SAMMSON: variants seen among roughly 807,000 people sequenced by gnomAD.
The protein encoded by SAMMSON is long intergenic non-protein coding RNA 1212.
At chr3:70,434,572 T>A (rs1464001702) in intron 2 of SAMMSON, among the ~76,000 whole-genome samples, 1 of 151,856 alleles carries the variant, frequency 6.6e-6, no homozygotes, top group African/African-American at 2.4e-5. Flanking sequence ...ATAAAGACAT[T>A]TTTTTTTCCT....
chr3:70,342,692 A>G (rs1368882362), intron 7 of SAMMSON, among the ~76,000 whole-genome samples: 2 of 152,206 alleles, frequency 1.3e-5, no homozygotes, highest in Admixed American at 1.3e-4. Flanking sequence ...CAGAAACATC[A>G]TCTTTTGACA....
chr3:70,095,776 T>G (rs1322552296), intron 4 of SAMMSON, among the ~76,000 whole-genome samples: 4 of 152,192 alleles, frequency 2.6e-5, no homozygotes, highest in Non-Finnish European at 1.5e-5. Context: ...AAGTGTTAAC[T>G]ATAATATTCT....
At chr3:70,154,421 T>G (rs1032639405) in intron 4 of SAMMSON, among the ~76,000 whole-genome samples, 1 of 152,048 alleles carries the variant, frequency 6.6e-6, no homozygotes, top group Non-Finnish European at 1.5e-5. Context: ...AAGGCCAGGC[T>G]GTCTGGTCCC....
chr3:70,351,201 A>G (rs1397548535), intron 7 of SAMMSON, among the ~76,000 whole-genome samples: 1 of 152,116 alleles, frequency 6.6e-6, no homozygotes, highest in East Asian at 1.9e-4. Flanking sequence ...GTTCATGTTA[A>G]CCATTACCCG....
At chr3:70,164,975 C>T (rs764212814) in intron 4 of SAMMSON, among the ~76,000 whole-genome samples, 15 of 151,960 alleles carry the variant, frequency 9.9e-5, no homozygotes, top group Non-Finnish European at 2.1e-4. Flanking sequence ...TTAGTATCTG[C>T]AGTTTCAAGA....
At chr3:70,143,055 T>C (rs1262972638) in intron 4 of SAMMSON, among the ~76,000 whole-genome samples, 2 of 152,180 alleles carry the variant, frequency 1.3e-5, no homozygotes, top group African/African-American at 2.4e-5. Flanking sequence ...CTTTAAATCA[T>C]TGAGACATTT....
At chr3:70,011,885 A>C (rs1383559747) in intron 1 of SAMMSON, among the ~76,000 whole-genome samples, 1 of 152,144 alleles carries the variant, frequency 6.6e-6, no homozygotes, top group Non-Finnish European at 1.5e-5. Context: ...CAAGTATTAA[A>C]GAGAGAACTG....
intron 9 of SAMMSON, among the ~76,000 whole-genome samples, chr3:70,369,142 G>C (rs909466608): frequency 1.3e-5 from 2 of 151,328 alleles, no homozygotes; most frequent in Non-Finnish European, 3.0e-5. Flanking sequence ...TATATTATTT[G>C]TAATCTTTCT....
intron 3 of SAMMSON, among the ~76,000 whole-genome samples, chr3:70,016,687 T>G (rs2066987359): frequency 6.6e-6 from 1 of 152,126 alleles, no homozygotes; most frequent in African/African-American, 2.4e-5. Context: ...ATGGTATTGC[T>G]TAGATTTTCT....
intron 7 of SAMMSON, among the ~76,000 whole-genome samples, chr3:70,292,925 C>G (rs1014010813): frequency 2.0e-5 from 3 of 151,318 alleles, no homozygotes. Context: ...TTGAAATTAT[C>G]TAACAAGAAA....
At chr3:70,340,153 A>G (rs1338378560) in intron 7 of SAMMSON, among the ~76,000 whole-genome samples, 1 of 150,968 alleles carries the variant, frequency 6.6e-6, no homozygotes, top group Admixed American at 6.6e-5. Flanking sequence ...CAGAAAACCA[A>G]ACACTGCATA....
intron 4 of SAMMSON, among the ~76,000 whole-genome samples, chr3:70,163,070 C>T (rs1410761011): frequency 2.6e-5 from 4 of 151,088 alleles, no homozygotes; most frequent in African/African-American, 4.9e-5. Context: ...AGTATATAAT[C>T]GAATCCTTTT....
At chr3:70,317,181 G>A (rs540432455) in intron 7 of SAMMSON, among the ~76,000 whole-genome samples, 25 of 151,898 alleles carry the variant, frequency 1.6e-4, no homozygotes, top group Admixed American at 2.6e-4. Flanking sequence ...TTATAATCCC[G>A]CAAGCATTGT....
chr3:70,365,285 T>A (rs1702911984), intron 9 of SAMMSON, among the ~76,000 whole-genome samples: 1 of 151,338 alleles, frequency 6.6e-6, no homozygotes, highest in Non-Finnish European at 1.5e-5. Context: ...GGTACTAGTA[T>A]TTCTCATTGC....
At chr3:70,340,704 T>C (rs925355640) in intron 7 of SAMMSON, among the ~76,000 whole-genome samples, 12 of 152,252 alleles carry the variant, frequency 7.9e-5, no homozygotes, top group Non-Finnish European at 1.3e-4. Context: ...CGATTCATTA[T>C]TGGGGGACTT....
At chr3:70,186,581 G>A (rs1003570463) in intron 4 of SAMMSON, among the ~76,000 whole-genome samples, 6 of 152,012 alleles carry the variant, frequency 3.9e-5, no homozygotes, top group African/African-American at 1.4e-4. Context: ...TCAACCATAG[G>A]AATTTTTATT....
chr3:70,344,826 A>C (rs924536505), intron 7 of SAMMSON, among the ~76,000 whole-genome samples: 4 of 152,212 alleles, frequency 2.6e-5, no homozygotes, highest in Admixed American at 1.3e-4. Flanking sequence ...CTGCCGTTTC[A>C]TTACAAGATG....
Position 70,192,166 on chromosome 3 carries a change from C to T in SAMMSON, n.508-56941C>T, listed in dbSNP as rs564889147. Among the ~76,000 whole-genome samples the T allele has an allele frequency of 4.3e-4, 66 of 152,292 alleles. 1 individual carries two copies. The highest frequency in any genetic ancestry group is 3.9e-3 in the East Asian group (20 of 5,174). On this transcript the variant is annotated intron_variant and non_coding_transcript_variant, in intron 4 of 9. Coordinates refer to ENST00000642114, the Ensembl canonical transcript of SAMMSON. Reference sequence around the variant, plus strand: ...TCGCCCTCCCACTTACCCCCTTTCCCCCAAAGTGCCCTAACAGCGATATAT... The same window carrying T: ...TCGCCCTCCCACTTACCCCCTTTCCTCCAAAGTGCCCTAACAGCGATATAT...
chr3:70,301,200 T>G (rs1406397447), intron 7 of SAMMSON, among the ~76,000 whole-genome samples: 1 of 152,098 alleles, frequency 6.6e-6, no homozygotes. Flanking sequence ...TTGTTTCAAG[T>G]GACTCTTTAG....
Sources: allele counts gnomAD v4.1 joint callset (sites outside exome capture counted in the v4.1 genomes callset), GRCh38; gene constraint gnomAD v4.1.1; transcripts MANE v1.5; gene names NCBI Gene and HGNC (gene_info 2026-07-23, HGNC 2026-07-21).